The following CUL4A variants were observed in gnomAD, a reference collection of about 807,000 sequenced individuals.
The protein encoded by CUL4A is cullin 4A.
CUL4A carries 16 observed loss-of-function variants against 95.5 expected under a neutral mutation model. The observed-to-expected ratio is 0.17, with a 90% CI of 0.11 to 0.25. CUL4A has a LOEUF of 0.25. CUL4A is among the 10% of genes least tolerant of loss of function. The pLI is 1.00. For synonymous variants in CUL4A, 380 were observed against 353.1 expected (o/e 1.08, Z -0.85); for missense variants, 610 against 937.0 (o/e 0.65, Z 4.56).
intron 3 of CUL4A, among the ~76,000 whole-genome samples, chr13:113,223,297 A>G (rs907708358): frequency 5.9e-5 from 9 of 152,212 alleles, no homozygotes; most frequent in African/African-American, 1.7e-4. Flanking sequence ...ACTGTGTGGC[A>G]GGGAGTATTC....
At chr13:113,244,128 T>A (rs911898959) in intron 11 of CUL4A, 1 of 297,102 alleles carries the variant, frequency 3.4e-6, no homozygotes, top group African/African-American at 2.2e-5. Flanking sequence ...AGCATGTATT[T>A]GCTGAAGTCA....
chr13:113,260,486 G>A (rs1337725029), intron 18 of CUL4A, 121 bp from the exon 19 acceptor site: 3 of 802,344 alleles, frequency 3.7e-6, no homozygotes, highest in Admixed American at 3.4e-5. Flanking sequence ...GGAGGCGGAG[G>A]TTGCAGTGAG....
At chr13:113,249,866 G>A (rs541021470) in intron 15 of CUL4A, among the ~76,000 whole-genome samples, 2 of 152,258 alleles carry the variant, frequency 1.3e-5, no homozygotes, top group African/African-American at 4.8e-5. Flanking sequence ...ATCTTTTCAT[G>A]TCCTGATTGA....
chr13:113,228,090 T>C (rs1196853402), intron 4 of CUL4A, 45 bp downstream of exon 4: 2 of 1,381,144 alleles, frequency 1.4e-6, no homozygotes, highest in Admixed American at 1.7e-5. Context: ...TCATCCATCT[T>C]CCCTCACCCA....
chr13:113,221,867 C>T (rs988921210), intron 3 of CUL4A, among the ~76,000 whole-genome samples: 5 of 152,182 alleles, frequency 3.3e-5, no homozygotes, highest in African/African-American at 4.8e-5. Context: ...TGAGCCACCG[C>T]GTCTGGCCTG....
intron 3 of CUL4A, among the ~76,000 whole-genome samples, chr13:113,221,883 AG>A (rs1034931639): frequency 6.6e-6 from 1 of 152,196 alleles, no homozygotes; most frequent in Non-Finnish European, 1.5e-5. Context: ...GCCTGTGATA[AG>A]GGTTTTCAAA....
chr13:113,234,898 A>G (rs2287247), intron 7 of CUL4A, among the ~76,000 whole-genome samples, 165 bp from the exon 8 acceptor site: 34,062 of 152,064 alleles, frequency 0.22, 4,214 homozygotes, highest in South Asian at 0.43. Flanking sequence ...CCCCACACAC[A>G]TTTCCGTCCT....
chr13:113,245,791 G>A (rs1386842957), intron 14 of CUL4A, among the ~76,000 whole-genome samples, 165 bp from the exon 15 acceptor site: 2 of 152,226 alleles, frequency 1.3e-5, no homozygotes, highest in Admixed American at 6.5e-5. Context: ...AGGGAAAAAG[G>A]CAGTCCTAGT....
At chr13:113,226,047 A>AC (rs1439327384) in intron 3 of CUL4A, among the ~76,000 whole-genome samples, 2 of 151,780 alleles carry the variant, frequency 1.3e-5, no homozygotes, top group East Asian at 3.9e-4. Context: ...AAGGACTCAG[A>AC]CCCCCCGGGA....
intron 16 of CUL4A, among the ~76,000 whole-genome samples, chr13:113,254,365 G>A (rs1292655426): frequency 3.3e-5 from 5 of 152,182 alleles, no homozygotes; most frequent in South Asian, 4.1e-4. Flanking sequence ...TGGGGAGGCC[G>A]AGGTGGGTGG....
chr13:113,252,005 TC>T (rs1261454054), intron 15 of CUL4A, among the ~76,000 whole-genome samples: 5 of 151,814 alleles, frequency 3.3e-5, no homozygotes, highest in Non-Finnish European at 5.9e-5. Flanking sequence ...GTGTCGGAGA[TC>T]CCGGGTGCAG....
chr13:113,255,852 G>A (rs1457616651), intron 18 of CUL4A, among the ~76,000 whole-genome samples: 1 of 152,178 alleles, frequency 6.6e-6, no homozygotes, highest in Non-Finnish European at 1.5e-5. Flanking sequence ...GACTAAAGCT[G>A]CTATAAACAT....
intron 19 of CUL4A, among the ~76,000 whole-genome samples, 176 bp downstream of exon 19, chr13:113,260,935 T>C (rs3861724): frequency 0.96 from 146,572 of 152,298 alleles, 70,770 homozygotes; most frequent in East Asian, 1. Flanking sequence ...TGTTGCTCAT[T>C]GCCACTGCAG....
In CUL4A at chr13:113,243,054, C is replaced by T. The variant is rs761372324; in HGVS notation, c.1122C>T (p.His374=). ...TGGACTTCAAGGACAAGGTGGACCA[C>T]GTGATCGAGGTCTGCTTCCAGAAGA... is the stretch of plus-strand genomic sequence containing the variant. ...DLLDFKDKVD[H]VIEVCFQKNE... is the part of the protein sequence containing the mutation. Residue 374 remains histidine (H), a synonymous_variant, in exon 11 of 20, where the codon CAC becomes CAT. Coordinates refer to ENST00000375440, the MANE Select transcript of CUL4A (RefSeq NM_001008895.4). The T allele has an allele frequency of 7.4e-6, 12 of 1,614,136 alleles. No homozygotes were observed. Among genetic ancestry groups the T allele is most frequent in the Middle Eastern group, 1.6e-4 (1 of 6,062 alleles).
intron 18 of CUL4A, among the ~76,000 whole-genome samples, chr13:113,258,157 A>AT (rs1447435203): frequency 4.6e-5 from 7 of 151,760 alleles, no homozygotes; most frequent in South Asian, 2.1e-4. Flanking sequence ...GCCCAGCTAA[A>AT]TTTTTGTATT....
At position 113,215,486 on chromosome 13, in the gene CUL4A, A is replaced by G. The variant is rs374350789; in HGVS notation, c.265-3459A>G. Among the ~76,000 whole-genome samples, 10 of 136,556 alleles carry G rather than the reference A, an allele frequency of 7.3e-5. No homozygotes were observed. The South Asian group carries it at 2.5e-3, about 34-fold the overall frequency. The allele number at this position is 136,556 out of a possible 152,430, so 89.6% of individuals were successfully genotyped here. A position where few individuals can be genotyped will look rare whatever the true frequency, so the allele number is the denominator to read the frequency against. ...TGCCTATGGAGGTCGCTATGTGACT[A>G]TGGAGGTTGTTGTGTGACTATGGAG... On this transcript the variant is annotated intron_variant, in intron 2 of 19. Transcript: ENST00000375440.
intron 5 of CUL4A, among the ~76,000 whole-genome samples, chr13:113,232,154 GC>G (rs879649328): frequency 0.3 from 4,734 of 15,668 alleles, 1,646 homozygotes; most frequent in Admixed American, 0.39. Context: ...CACCATTACT[GC>G]TGCCACCACT....
rs565642441 is a variant in CUL4A, at chr13:113,266,473, T to G, written c.*2891T>G. On this transcript the variant is annotated 3_prime_UTR_variant, in exon 20 of 20. Transcript: ENST00000375440. ...GATTCTCACATTTTGCTATACAGTA[T>G]CTTAAGATGTAAAACCTTCCTTTAA... The G allele has an allele frequency of 3.3e-5, 5 of 152,366 alleles. No homozygotes were observed. The East Asian group carries it at 9.6e-4, about 29-fold the overall frequency. 9.4% of individuals were successfully genotyped at this position (152,366 alleles called of 1,614,324 possible).
In CUL4A at chr13:113,219,009, G is replaced by A. The variant is rs764549641; in HGVS notation, c.329G>A (p.Cys110Tyr). The change falls in exon 3 of 20, where the codon TGT becomes TAT. Residue 110 changes from cysteine (C) to tyrosine (Y), a missense_variant. By Grantham distance (194) the Cys-to-Tyr change is radical. Transcript: ENST00000375440. ...CTCTACAAGCAACTGCGTCAGGCCT[G>A]TGAAGACCACGTCCAGGCACAGATC... ...PMLYKQLRQA[C>Y]EDHVQAQILP... is the part of the protein sequence containing the mutation. 1.2e-6 allele frequency: 2 copies of A among 1,613,444 alleles called. No homozygotes were observed. The highest frequency in any genetic ancestry group is 1.7e-6 in the Non-Finnish European group (2 of 1,179,804).
Sources: gnomAD v4.1 joint callset for allele counts (sites outside exome capture counted in the v4.1 genomes callset) on GRCh38, gnomAD v4.1.1 for gene constraint, MANE v1.5 for transcripts, NCBI Gene and HGNC (gene_info 2026-07-23, HGNC 2026-07-21) for gene names.